Variants in FANCL observed in about 807,000 individuals in gnomAD.
FANCL encodes FA complementation group L.
FANCL carries 69 observed loss-of-function variants against 59.4 expected under a neutral mutation model. The observed-to-expected ratio is 1.16, with a 90% CI of 0.96 to 1.42. The LOEUF is 1.42. FANCL is among the 40% of genes most tolerant of loss of function. The pLI, the probability that FANCL is intolerant of heterozygous loss-of-function variation, is 0.00. For synonymous variants in FANCL, 180 were observed against 147.1 expected, an observed-to-expected ratio of 1.22 and a Z score of -1.62; for missense variants, 519 against 447.2, an observed-to-expected ratio of 1.16 and a Z score of -1.45.
At chr2:58,192,486 A>G (rs1469476983) in intron 7 of FANCL, among the ~76,000 whole-genome samples, 1 of 151,990 alleles carries the variant, frequency 6.6e-6, no homozygotes, top group Non-Finnish European at 1.5e-5. Context: ...AATAATAAAA[A>G]CGAGGGTGAC....
chr2:58,229,972 C>G, intron 2 of FANCL, 98 bp from the exon 3 acceptor site: 2 of 851,942 alleles, frequency 2.3e-6, no homozygotes, highest in South Asian at 2.9e-5. Flanking sequence ...AAAAGAATGA[C>G]AAACATAATT....
chr2:58,217,211 TATATACAC>T (rs1319699410), intron 5 of FANCL, among the ~76,000 whole-genome samples: 32 of 9,124 alleles, frequency 3.5e-3, no homozygotes, highest in African/African-American at 9.5e-3. Context: ...TATATATATA[TATATACAC>T]ACACACACAC....
chr2:58,170,475 C>CAACT (rs200467879), intron 7 of FANCL, among the ~76,000 whole-genome samples: 2,851 of 152,152 alleles, frequency 0.019, 95 homozygotes, highest in African/African-American at 0.065. Context: ...GAAACTGCAT[C>CAACT]AACTAACAAA....
rs193167564 is a variant in FANCL, at chr2:58,180,599, C to A, written c.541-14725G>T. On this transcript the variant is annotated intron_variant, in intron 7 of 13. Coordinates refer to ENST00000233741, the MANE Select transcript of FANCL (RefSeq NM_018062.4). ...TGAGGGATAGTATTAGGAGAAATAC[C>A]TAATGTAGATGTCGGGTTGATGGGT... Among the ~76,000 whole-genome samples, 20 of 152,080 alleles carry A rather than the reference C, an allele frequency of 1.3e-4. No homozygotes were observed. In the East Asian group the frequency reaches 3.3e-3, roughly 25 times the overall value.
At chr2:58,233,615 G>A (rs1052037224) in intron 1 of FANCL, among the ~76,000 whole-genome samples, 1 of 151,930 alleles carries the variant, frequency 6.6e-6, no homozygotes, top group Non-Finnish European at 1.5e-5. Flanking sequence ...CCTACAGGAA[G>A]AAAAATATGA....
rs377436957 is a variant in FANCL, at chr2:58,159,394, T to A, written c.*371A>T. The A allele has an allele frequency of 1.9e-6, 3 of 1,613,036 alleles. No individual in the cohort carries two copies. Among genetic ancestry groups the A allele is most frequent in the Non-Finnish European group, 2.5e-6 (3 of 1,179,612 alleles). On this transcript the variant is annotated 3_prime_UTR_variant, in exon 14 of 14. Coordinates refer to ENST00000233741, the MANE Select transcript of FANCL (RefSeq NM_018062.4). ...GAAATATCAAGAGTCTCAAGAACCT[T>A]TGAATGAAGTAAACAGTTTCCCACA...
intron 5 of FANCL, among the ~76,000 whole-genome samples, chr2:58,210,548 C>T (rs1417310158): frequency 6.6e-6 from 1 of 152,132 alleles, no homozygotes; most frequent in Non-Finnish European, 1.5e-5. Flanking sequence ...ACCAATCATG[C>T]CTTCCCAACA....
At chr2:58,177,311 G>T (rs188885596) in intron 7 of FANCL, among the ~76,000 whole-genome samples, 32 of 152,190 alleles carry the variant, frequency 2.1e-4, no homozygotes, top group African/African-American at 7.0e-4. Context: ...AAATCATGCT[G>T]CTATAAAGAC....
rs754861669 is a variant in FANCL, at chr2:58,159,775, C to G, written c.1118G>C (p.Arg373Thr). 21 of 1,612,866 alleles carry G rather than the reference C, an allele frequency of 1.3e-5. No individual in the cohort carries two copies. Among genetic ancestry groups the G allele is most frequent in the African/African-American group, 2.7e-5 (2 of 74,844 alleles). ...TGTTGTATTCTTATTTCAGTGTTTC[C>G]TTCCAGACATTTTTAAGGTAATTGG... ...SKPITLKMSG[R>T]KH The change falls in exon 14 of 14, where the codon AGG (arginine) becomes ACG (threonine). Residue 373 changes from arginine to threonine, a missense_variant. Transcript: ENST00000233741.
At chr2:58,192,838 C>G (rs1467001314) in intron 7 of FANCL, among the ~76,000 whole-genome samples, 3 of 151,880 alleles carry the variant, frequency 2.0e-5, no homozygotes, top group African/African-American at 7.2e-5. Flanking sequence ...GAAGGCTATG[C>G]TGTTTTTTCT....
rs1286301511 is a variant in FANCL at position 58,222,011 on chromosome 2, T to TA, written c.304dup (p.Tyr102LeufsTer15). Reference sequence around the variant, plus strand: ...GAACTGGGGAGGAGGAGGTAGTGCATACAGCTCTTGTCTATTCTTTAAGGC... The same window carrying TA: ...GAACTGGGGAGGAGGAGGTAGTGCATAACAGCTCTTGTCTATTCTTTAAGGC... On this transcript the variant is annotated frameshift_variant, in exon 5 of 14. Transcript: ENST00000233741. LOFTEE classifies it high-confidence loss of function. 1 of 1,613,530 alleles carries TA rather than the reference T, an allele frequency of 6.2e-7. No individual in the cohort carries two copies.
intron 1 of FANCL, among the ~76,000 whole-genome samples, chr2:58,233,263 C>T (rs1167514236): frequency 6.6e-6 from 1 of 151,986 alleles, no homozygotes; most frequent in African/African-American, 2.4e-5. Context: ...ATATAGAAAT[C>T]TGTGCTGTTA....
chr2:58,167,526 A>C (rs1686078612), intron 7 of FANCL, among the ~76,000 whole-genome samples: 1 of 152,214 alleles, frequency 6.6e-6, no homozygotes, highest in African/African-American at 2.4e-5. Flanking sequence ...ATATTTTCAC[A>C]GTGGCATCTT....
chr2:58,180,801 A>G (rs1284087389), intron 7 of FANCL, among the ~76,000 whole-genome samples: 1 of 152,056 alleles, frequency 6.6e-6, no homozygotes, highest in African/African-American at 2.4e-5. Context: ...GCCATTGTTT[A>G]AAGGTTTTTT....
intron 3 of FANCL, among the ~76,000 whole-genome samples, chr2:58,227,004 A>T (rs537241484): frequency 6.6e-6 from 1 of 152,360 alleles, no homozygotes; most frequent in East Asian, 1.9e-4. Flanking sequence ...GCTGAGATAT[A>T]TTAAACTGTG....
chr2:58,210,609 C>T (rs528024404), intron 5 of FANCL, among the ~76,000 whole-genome samples: 4 of 152,222 alleles, frequency 2.6e-5, no homozygotes, highest in African/African-American at 9.6e-5. Context: ...AGTCCACAGT[C>T]CAAAGTCTCA....
intron 5 of FANCL, among the ~76,000 whole-genome samples, chr2:58,216,644 G>A (rs1034142861): frequency 1.1e-4 from 17 of 152,100 alleles, no homozygotes; most frequent in African/African-American, 4.1e-4. Context: ...AAACCCTTTA[G>A]TTTTCAAAAA....
At chr2:58,172,094 G>A (rs541858058) in intron 7 of FANCL, among the ~76,000 whole-genome samples, 14 of 152,342 alleles carry the variant, frequency 9.2e-5, no homozygotes, top group South Asian at 2.1e-4. Context: ...CAAAGCAGCC[G>A]GGAAGCTCGA....
At chr2:58,194,232 C>G in intron 7 of FANCL, 2 of 471,066 alleles carry the variant, frequency 4.2e-6, no homozygotes, top group South Asian at 3.1e-5. Flanking sequence ...CACTTACAGG[C>G]AAAACCGCAA....
Sources: gnomAD v4.1 joint callset for allele counts (sites outside exome capture counted in the v4.1 genomes callset) on GRCh38, gnomAD v4.1.1 for gene constraint, MANE v1.5 for transcripts, NCBI Gene and HGNC (gene_info 2026-07-23, HGNC 2026-07-21) for gene names.